Variants in PPP1R16B observed in about 807,000 individuals in gnomAD.
The protein encoded by PPP1R16B is protein phosphatase 1 regulatory inhibitor subunit 16B.
A neutral mutation model predicts 61.7 loss-of-function variants in PPP1R16B; 14 were observed. The observed-to-expected ratio is 0.23, with a 90% CI of 0.15 to 0.35. PPP1R16B has a LOEUF of 0.35. Ranked by LOEUF, PPP1R16B falls within the 10% of genes least tolerant of loss-of-function variation. PPP1R16B has a pLI of 1.00. For synonymous variants in PPP1R16B, 266 were observed against 305.3 expected, an observed-to-expected ratio of 0.87 and a Z score of 1.34; for missense variants, 547 against 752.5, an observed-to-expected ratio of 0.73 and a Z score of 3.19.
intron 1 of PPP1R16B, among the ~76,000 whole-genome samples, chr20:38,814,812 CT>C: frequency 6.6e-6 from 1 of 152,282 alleles, no homozygotes; most frequent in South Asian, 2.1e-4. Flanking sequence ...TCAGAACTGC[CT>C]TTGTTTCCTC....
intron 6 of PPP1R16B, among the ~76,000 whole-genome samples, chr20:38,903,761 C>T (rs560356518): frequency 8.5e-5 from 13 of 152,368 alleles, no homozygotes; most frequent in African/African-American, 2.9e-4. Flanking sequence ...CTCATCCTTG[C>T]AGCTCAAGTG....
intron 3 of PPP1R16B, among the ~76,000 whole-genome samples, chr20:38,894,162 C>G (rs988141346): frequency 6.8e-6 from 1 of 146,882 alleles, no homozygotes; most frequent in Non-Finnish European, 1.5e-5. Flanking sequence ...CAGAAAGAAC[C>G]TGGGTCTCTG....
chr20:38,838,849 G>T (rs2084890242), intron 2 of PPP1R16B, among the ~76,000 whole-genome samples: 1 of 152,242 alleles, frequency 6.6e-6, no homozygotes. Flanking sequence ...TGGGCTGGGA[G>T]TGGAGGGATC....
intron 1 of PPP1R16B, among the ~76,000 whole-genome samples, chr20:38,821,101 T>C (rs2084771029): frequency 6.6e-6 from 1 of 151,768 alleles, no homozygotes; most frequent in African/African-American, 2.4e-5. Flanking sequence ...TTCTCTGTGA[T>C]CGTCCTGTAT....
At chr20:38,854,112 T>G (rs1285370301) in intron 2 of PPP1R16B, among the ~76,000 whole-genome samples, 1 of 152,208 alleles carries the variant, frequency 6.6e-6, no homozygotes, top group Non-Finnish European at 1.5e-5. Context: ...GTGATAACCC[T>G]GGGCACATCA....
rs113012124 is a variant in PPP1R16B, at chr20:38,889,581, C to T, written c.251-14C>T. 9.6e-6 allele frequency: 15 copies of T among 1,562,214 alleles called. No individual in the cohort carries two copies. In the Middle Eastern group the frequency reaches 5.0e-4, roughly 52 times the overall value. The stretch of plus-strand genomic sequence containing the variant: ...GTGCAACGGGAAGCTCACTCCTGTA[C>T]CCTCCTATTGCAGTACGCTACTTCC... On this transcript the variant is annotated splice_polypyrimidine_tract_variant and intron_variant, in intron 2 of 10. Transcript: ENST00000299824.
intron 2 of PPP1R16B, among the ~76,000 whole-genome samples, chr20:38,874,331 G>A (rs2085151218): frequency 6.6e-6 from 1 of 152,204 alleles, no homozygotes; most frequent in African/African-American, 2.4e-5. Flanking sequence ...TGGGGTAGGG[G>A]AGAGCCAGCT....
intron 3 of PPP1R16B, among the ~76,000 whole-genome samples, chr20:38,893,455 G>A (rs1045029860): frequency 1.5e-4 from 23 of 152,186 alleles, no homozygotes; most frequent in African/African-American, 5.5e-4. Context: ...GTGTTAGGAA[G>A]GGGAATGACG....
intron 1 of PPP1R16B, among the ~76,000 whole-genome samples, chr20:38,810,383 C>T (rs2084692773): frequency 6.6e-6 from 1 of 152,312 alleles, no homozygotes; most frequent in South Asian, 2.1e-4. Flanking sequence ...TCTGCACCTT[C>T]CTTGGAGGGT....
intron 3 of PPP1R16B, among the ~76,000 whole-genome samples, chr20:38,893,198 A>C (rs572108175): frequency 6.6e-4 from 100 of 152,356 alleles, no homozygotes; most frequent in African/African-American, 2.3e-3. Context: ...AGAAAGCATT[A>C]GACATTGTTA....
chr20:38,829,366 G>T (rs1006945), intron 1 of PPP1R16B, among the ~76,000 whole-genome samples: 80,863 of 152,000 alleles, frequency 0.53, 21,611 homozygotes, highest in South Asian at 0.6. Context: ...GACCTCACCC[G>T]ACCTGGCCTC....
chr20:38,905,040 C>T (rs1488088616), intron 6 of PPP1R16B, among the ~76,000 whole-genome samples: 1 of 152,208 alleles, frequency 6.6e-6, no homozygotes, highest in East Asian at 1.9e-4. Flanking sequence ...TGAGGTCTGC[C>T]AGGCAGTGGC....
At chr20:38,817,863 T>G (rs1323177034) in intron 1 of PPP1R16B, among the ~76,000 whole-genome samples, 1 of 152,016 alleles carries the variant, frequency 6.6e-6, no homozygotes, top group African/African-American at 2.4e-5. Flanking sequence ...GCTAACACGG[T>G]GAAACCCCGT....
chr20:38,856,532 T>C (rs1196985810), intron 2 of PPP1R16B, among the ~76,000 whole-genome samples: 1 of 152,144 alleles, frequency 6.6e-6, no homozygotes, highest in Non-Finnish European at 1.5e-5. Flanking sequence ...CTCTCTCTTC[T>C]CTCAGCCCCT....
intron 2 of PPP1R16B, among the ~76,000 whole-genome samples, chr20:38,843,911 A>G (rs2084922941): frequency 6.6e-6 from 1 of 152,202 alleles, no homozygotes; most frequent in Admixed American, 6.5e-5. Flanking sequence ...TGAAGTAAAT[A>G]AAGAAAATCT....
intron 2 of PPP1R16B, among the ~76,000 whole-genome samples, chr20:38,849,396 C>T (rs2084953405): frequency 6.6e-6 from 1 of 152,090 alleles, no homozygotes; most frequent in African/African-American, 2.4e-5. Context: ...ACTTCCGTTC[C>T]TTTTCATATT....
intron 1 of PPP1R16B, among the ~76,000 whole-genome samples, chr20:38,827,324 C>CT (rs1415108059): frequency 5.9e-5 from 9 of 152,196 alleles, no homozygotes; most frequent in Non-Finnish European, 1.2e-4. Flanking sequence ...GTTATTGTTC[C>CT]ACTGCTGGAC....
intron 2 of PPP1R16B, among the ~76,000 whole-genome samples, chr20:38,888,184 G>T (rs1056929898): frequency 2.0e-5 from 3 of 152,238 alleles, no homozygotes; most frequent in Admixed American, 2.0e-4. Flanking sequence ...GGGGATTAGG[G>T]GATGTGGACT....
At chr20:38,855,943 T>TATATATATATATATAGAGAGAGAGAG (rs1555804333) in intron 2 of PPP1R16B, among the ~76,000 whole-genome samples, 1 of 15,066 alleles carries the variant, frequency 6.6e-5, no homozygotes, top group Non-Finnish European at 9.9e-5. Context: ...TATATATATA[T>TATATATATATATATAGAGAGAGAGAG]AGAGAGAGAG....
Sources: allele counts gnomAD v4.1 joint callset (sites outside exome capture counted in the v4.1 genomes callset), GRCh38; gene constraint gnomAD v4.1.1; transcripts MANE v1.5; gene names NCBI Gene and HGNC (gene_info 2026-07-23, HGNC 2026-07-21).